FOXH1: variants seen among roughly 807,000 people sequenced by gnomAD.
The protein encoded by FOXH1 is forkhead box protein H1.
In FOXH1, 10 loss-of-function variants were observed where a neutral mutation model predicts 14.2. The ratio of observed to expected loss-of-function variants is 0.70; its 90% CI spans 0.43 to 1.19. The LOEUF (loss-of-function observed/expected upper bound fraction) is 1.19, where lower values mean the gene tolerates loss of function less well. Ranked by LOEUF, FOXH1 falls within the 50% of genes most tolerant of loss-of-function variation. The pLI, the probability that FOXH1 is intolerant of heterozygous loss-of-function variation, is 0.00. For missense variants in FOXH1, 643 were observed against 492.1 expected, an observed-to-expected ratio of 1.31 and a Z score of -2.90; for synonymous variants, 273 against 209.5, an observed-to-expected ratio of 1.30 and a Z score of -2.62.
rs1288812870 is a variant in FOXH1, at chr8:144,473,574, G to A, written c.*664C>T. 1.1e-5 allele frequency: 10 copies of A among 890,652 alleles called. No individual in the cohort carries two copies. The highest frequency in any genetic ancestry group is 3.3e-5 in the Admixed American group (1 of 30,318). 55.2% of individuals were successfully genotyped at this position (890,652 alleles called of 1,614,324 possible). The stretch of plus-strand genomic sequence containing the variant: ...AGTGAAGTGTGTTGTGCCTGCTGAA[G>A]TGATCACCCCCCGCCCCCAGCCCTG... On this transcript the variant is annotated 3_prime_UTR_variant, in exon 3 of 3. Transcript: ENST00000377317.
In FOXH1 at chr8:144,474,306, A is replaced by C; in HGVS notation, c.1030T>G (p.Trp344Gly). Residue 344 changes from tryptophan (W) to glycine (G), a missense_variant, in exon 3 of 3, where the codon TGG (tryptophan) becomes GGG (glycine). By Grantham distance (184) the Trp-to-Gly change is radical. Transcript: ENST00000377317. Reference sequence around the variant, plus strand: ...GCCAGGTCCCGAGGGTGGCTGACCCAAACGTCGTAGATGCTTTTGTTGGGT... The same window carrying C: ...GCCAGGTCCCGAGGGTGGCTGACCCCAACGTCGTAGATGCTTTTGTTGGGT... Reference protein sequence around the residue: ...VPPNKSIYDVWVSHPRDLAAP... With the variant: ...VPPNKSIYDVGVSHPRDLAAP... The C allele has an allele frequency of 6.2e-7, 1 of 1,610,340 alleles. No individual in the cohort carries two copies. The highest frequency in any genetic ancestry group is 8.5e-7 in the Non-Finnish European group (1 of 1,178,094).
In FOXH1 at chr8:144,473,442, A is replaced by G; in HGVS notation, c.*796T>C. The G allele has an allele frequency of 3.9e-6, 6 of 1,527,974 alleles. No homozygotes were observed. Among genetic ancestry groups the G allele is most frequent in the Non-Finnish European group, 5.3e-6 (6 of 1,142,004 alleles). 94.7% of individuals were successfully genotyped at this position (1,527,974 alleles called of 1,614,324 possible). The stretch of plus-strand genomic sequence containing the variant: ...TCTCAGGCCAGGTCTCTGCTGGCAG[A>G]GGCGGTAGTAAAGTCCCTGTACCCC... On this transcript the variant is annotated 3_prime_UTR_variant, in exon 3 of 3. Transcript: ENST00000377317.
chr8:144,475,064 TG>T lies in FOXH1; in HGVS notation c.280-9del. 6.2e-7 allele frequency: 1 copy of T among 1,600,542 alleles called. No individual in the cohort carries two copies. Among genetic ancestry groups the T allele is most frequent in the Non-Finnish European group, 8.5e-7 (1 of 1,173,848 alleles). The stretch of plus-strand genomic sequence containing the variant: ...TGCAGGGTCCTTGGGCACCTGGGTG[TG>T]GGGGTCAGACATGGGTGGGGCTGCC... On this transcript the variant is annotated splice_polypyrimidine_tract_variant and intron_variant, in intron 2 of 2. Coordinates refer to ENST00000377317, the MANE Select transcript of FOXH1 (RefSeq NM_003923.3).
chr8:144,475,585 G>T lies in FOXH1; in HGVS notation c.172C>A (p.Gln58Lys). 1 of 1,449,330 alleles carries T rather than the reference G, an allele frequency of 6.9e-7. No homozygotes were observed. The highest frequency in any genetic ancestry group is 9.1e-7 in the Non-Finnish European group (1 of 1,098,046). The allele number at this position is 1,449,330 out of a possible 1,614,324, so 89.8% of individuals were successfully genotyped here. A position where few individuals can be genotyped will look rare whatever the true frequency, so the allele number is the denominator to read the frequency against. ...AGTGGGGGCCGGGGCCCGCTCACCT[G>T]GGCCAGCTTCAGTCTGCGGGAGGGA... ...AAPSRRLKLA[Q>K]IIRQVQAVFP... is the part of the protein sequence containing the mutation. The change falls in exon 1 of 3, where the codon CAG (glutamine) becomes AAG (lysine). Residue 58 changes from glutamine to lysine, a missense_variant and splice_region_variant. Transcript: ENST00000377317.
chr8:144,475,409 G>T, intron 1 of FOXH1, 148 bp from the exon 2 acceptor site: 1 of 920,614 alleles, frequency 1.1e-6, no homozygotes, highest in Non-Finnish European at 1.7e-6. Flanking sequence ...AAGCGCGGCA[G>T]AGAGGGCAAG....
Position 144,473,538 on chromosome 8 carries a change from C to T in FOXH1, c.*700G>A, listed in dbSNP as rs188887895. The T allele has an allele frequency of 7.1e-5, 87 of 1,230,254 alleles. No homozygotes were observed. Among genetic ancestry groups the T allele is most frequent in the East Asian group, 6.0e-4 (22 of 36,578 alleles). The allele number at this position is 1,230,254 out of a possible 1,614,324, so 76.2% of individuals were successfully genotyped here. A position where few individuals can be genotyped will look rare whatever the true frequency, so the allele number is the denominator to read the frequency against. The stretch of plus-strand genomic sequence containing the variant: ...CTGAGCTCCCAGAGTCACCCCTCCA[C>T]CTCCGCAGCCAGTGAAGTGTGTTGT... On this transcript the variant is annotated 3_prime_UTR_variant, in exon 3 of 3. Coordinates refer to ENST00000377317, the MANE Select transcript of FOXH1 (RefSeq NM_003923.3).
In FOXH1 at chr8:144,474,538, G is replaced by A. The variant is rs776555911; in HGVS notation, c.798C>T (p.Ser266=). The change falls in exon 3 of 3, where the codon AGC becomes AGT. Residue 266 remains serine (S), a synonymous_variant. Transcript: ENST00000377317. ...CCCAGAGGGAGGCCCTGTGTCCCCC[G>A]CTGGACCGTCCCCCAGGAACTGCGG... The part of the protein sequence containing the change: ...QGTAVPGGRS[S]GGHRASLWGQ... 3.1e-6 allele frequency: 5 copies of A among 1,611,002 alleles called. No individual in the cohort carries two copies. Among genetic ancestry groups the A allele is most frequent in the South Asian group, 1.1e-5 (1 of 91,002 alleles).
In FOXH1 at chr8:144,473,487, C is replaced by T. The variant is rs532459382; in HGVS notation, c.*751G>A. Reference sequence around the variant, plus strand: ...TACCCCGTCTCCCAGGGCACAAGCTCCCTAGCCTCTTTGGATCCATTGCCC... The same window carrying T: ...TACCCCGTCTCCCAGGGCACAAGCTTCCTAGCCTCTTTGGATCCATTGCCC... On this transcript the variant is annotated 3_prime_UTR_variant, in exon 3 of 3. Coordinates refer to ENST00000377317, the MANE Select transcript of FOXH1 (RefSeq NM_003923.3). 6 of 1,436,144 alleles carry T rather than the reference C, an allele frequency of 4.2e-6. No homozygotes were observed. Among genetic ancestry groups the T allele is most frequent in the East Asian group, 5.2e-5 (2 of 38,708 alleles). 89.0% of individuals were successfully genotyped at this position (1,436,144 alleles called of 1,614,324 possible).
chr8:144,474,179 C>G lies in FOXH1; in HGVS notation c.*59G>C. On this transcript the variant is annotated 3_prime_UTR_variant, in exon 3 of 3. Transcript: ENST00000377317. ...CGCAGACAGCCGCCTCGCCTTGGCTCCCTGTCAACAAGGTGGGGGTGGGAG... is the reference window on the plus strand; with the variant it reads ...CGCAGACAGCCGCCTCGCCTTGGCTGCCTGTCAACAAGGTGGGGGTGGGAG... The G allele has an allele frequency of 7.4e-7, 1 of 1,353,260 alleles. No individual in the cohort carries two copies. Among genetic ancestry groups the G allele is most frequent in the Non-Finnish European group, 1.0e-6 (1 of 998,006 alleles). 83.8% of individuals were successfully genotyped at this position (1,353,260 alleles called of 1,614,324 possible).
chr8:144,473,995 C>A lies in FOXH1; in HGVS notation c.*243G>T. On this transcript the variant is annotated 3_prime_UTR_variant, in exon 3 of 3. Coordinates refer to ENST00000377317, the MANE Select transcript of FOXH1 (RefSeq NM_003923.3). ...TAGGAAGGGCTATTCCAGGCTCAGC[C>A]CTGCTCCTGCAGCTTTGCCGCTGAG... 1.8e-6 allele frequency: 1 copy of A among 566,812 alleles called. No individual in the cohort carries two copies. The highest frequency in any genetic ancestry group is 3.1e-6 in the Non-Finnish European group (1 of 319,946). The allele number at this position is 566,812 out of a possible 1,614,324, so 35.1% of individuals were successfully genotyped here.
intron 1 of FOXH1, 25 bp from the exon 2 acceptor site, chr8:144,475,286 G>T: frequency 6.3e-7 from 1 of 1,593,902 alleles, no homozygotes; most frequent in Non-Finnish European, 8.6e-7. Context: ...CGGCCGGCCG[G>T]CGCCGTGAGC....
Position 144,473,448 on chromosome 8 carries a change from T to C in FOXH1, c.*790A>G. 1.3e-6 allele frequency: 2 copies of C among 1,518,376 alleles called. No homozygotes were observed. Among genetic ancestry groups the C allele is most frequent in the Non-Finnish European group, 1.8e-6 (2 of 1,137,248 alleles). The allele number at this position is 1,518,376 out of a possible 1,614,324, so 94.1% of individuals were successfully genotyped here. On this transcript the variant is annotated 3_prime_UTR_variant, in exon 3 of 3. Coordinates refer to ENST00000377317, the MANE Select transcript of FOXH1 (RefSeq NM_003923.3). The stretch of plus-strand genomic sequence containing the variant: ...GCCAGGTCTCTGCTGGCAGAGGCGG[T>C]AGTAAAGTCCCTGTACCCCGTCTCC...
Position 144,474,430 on chromosome 8 carries a change from C to G in FOXH1, c.906G>C (p.Gln302His). Residue 302 changes from glutamine to histidine, a missense_variant, in exon 3 of 3, where the codon CAG (glutamine) becomes CAC (histidine). Transcript: ENST00000377317. ...PLAPPPTSCP[Q>H]CPSTSPAYWG... is the part of the protein sequence containing the mutation. Reference sequence around the variant, plus strand: ...AGTAGGCAGGGCTGGTTGACGGACACTGGGGACAGGAGGTGGGTGGTGGTG... The same window carrying G: ...AGTAGGCAGGGCTGGTTGACGGACAGTGGGGACAGGAGGTGGGTGGTGGTG... 1 of 1,613,204 alleles carries G rather than the reference C, an allele frequency of 6.2e-7. No individual in the cohort carries two copies. Among genetic ancestry groups the G allele is most frequent in the South Asian group, 1.1e-5 (1 of 91,086 alleles).
chr8:144,473,646 AT>A lies in FOXH1; in HGVS notation c.*591del. 1 of 507,942 alleles carries A rather than the reference AT, an allele frequency of 2.0e-6. No homozygotes were observed. The highest frequency in any genetic ancestry group is 3.3e-6 in the Non-Finnish European group (1 of 302,618). 31.5% of individuals were successfully genotyped at this position (507,942 alleles called of 1,614,324 possible). A position where few individuals can be genotyped will look rare whatever the true frequency, so the allele number is the denominator to read the frequency against. On this transcript the variant is annotated 3_prime_UTR_variant, in exon 3 of 3. Transcript: ENST00000377317. The stretch of plus-strand genomic sequence containing the variant: ...TTTCTCCTTATCACCATTTGCTGTT[AT>A]CACGGCACACAGCAGGGAATCCCAG...
Position 144,474,662 on chromosome 8 carries a change from G to A in FOXH1, c.674C>T (p.Pro225Leu). 6.4e-7 allele frequency: 1 copy of A among 1,551,382 alleles called. No individual in the cohort carries two copies. Among genetic ancestry groups the A allele is most frequent in the African/African-American group, 1.4e-5 (1 of 73,910 alleles). The part of the protein sequence containing the change: ...PLWPLCPLPG[P>L]TRVEGETVQG... The stretch of plus-strand genomic sequence containing the variant: ...CACAGTCTCCCCCTCCACTCTCGTG[G>A]GGCCAGGAAGGGGGCAGAGGGGCCA... Residue 225 changes from proline (P) to leucine (L), a missense_variant, in exon 3 of 3, where the codon CCC becomes CTC. By Grantham distance (98) the Pro-to-Leu change is moderately conservative (BLOSUM62 -3). Transcript: ENST00000377317.
At position 144,473,636 on chromosome 8, in the gene FOXH1, A is replaced by G; in HGVS notation, c.*602T>C. ...AGGTCTTGGCTTTCTCCTTATCACCATTTGCTGTTATCACGGCACACAGCA... is the reference window on the plus strand; with the variant it reads ...AGGTCTTGGCTTTCTCCTTATCACCGTTTGCTGTTATCACGGCACACAGCA... On this transcript the variant is annotated 3_prime_UTR_variant, in exon 3 of 3. Coordinates refer to ENST00000377317, the MANE Select transcript of FOXH1 (RefSeq NM_003923.3). 2.0e-6 allele frequency: 1 copy of G among 508,514 alleles called. No homozygotes were observed. Among genetic ancestry groups the G allele is most frequent in the East Asian group, 3.5e-5 (1 of 28,354 alleles). 31.5% of individuals were successfully genotyped at this position (508,514 alleles called of 1,614,324 possible). A position where few individuals can be genotyped will look rare whatever the true frequency, so the allele number is the denominator to read the frequency against.
In FOXH1 at chr8:144,474,808, G is replaced by A; in HGVS notation, c.528C>T (p.Ser176=). Residue 176 remains serine, a synonymous_variant, in exon 3 of 3, where the codon TCC becomes TCT. Coordinates refer to ENST00000377317, the MANE Select transcript of FOXH1 (RefSeq NM_003923.3). ...GCCCCGGCCAGGGTGCCCCCTCCCC[G>A]GACCCTCCTAGCAGGGACTTGATGC... ...GFSIKSLLGG[S]GEGAPWPGLA... The A allele has an allele frequency of 1.2e-6, 2 of 1,608,476 alleles. No individual in the cohort carries two copies. Among genetic ancestry groups the A allele is most frequent in the African/African-American group, 1.3e-5 (1 of 74,934 alleles).
chr8:144,474,862 A>C lies in FOXH1; in HGVS notation c.474T>G (p.Ser158Arg). 6.2e-7 allele frequency: 1 copy of C among 1,611,222 alleles called. No homozygotes were observed. Among genetic ancestry groups the C allele is most frequent in the Non-Finnish European group, 8.5e-7 (1 of 1,179,642 alleles). ...AGCCCTCACTGGGTGGTGGCGGGGG[A>C]CTGGGCGGCCGGTATGGCCGGCCGT... is the stretch of plus-strand genomic sequence containing the variant. ...VLHGRPYRPP[S>R]PPPPPSEGFS... is the part of the protein sequence containing the mutation. The change falls in exon 3 of 3, where the codon AGT becomes AGG. Residue 158 changes from serine (S) to arginine (R), a missense_variant. Coordinates refer to ENST00000377317, the MANE Select transcript of FOXH1 (RefSeq NM_003923.3).
At position 144,475,652 on chromosome 8, in the gene FOXH1, G is replaced by C. The variant is rs539395830; in HGVS notation, c.105C>G (p.Pro35=). The C allele has an allele frequency of 2.8e-6, 4 of 1,430,720 alleles. No homozygotes were observed. Among genetic ancestry groups the C allele is most frequent in the Non-Finnish European group, 3.7e-6 (4 of 1,089,878 alleles). The allele number at this position is 1,430,720 out of a possible 1,614,324, so 88.6% of individuals were successfully genotyped here. A position where few individuals can be genotyped will look rare whatever the true frequency, so the allele number is the denominator to read the frequency against. The change falls in exon 1 of 3, where the codon CCC becomes CCG. Residue 35 remains proline, a synonymous_variant. Coordinates refer to ENST00000377317, the MANE Select transcript of FOXH1 (RefSeq NM_003923.3). The stretch of plus-strand genomic sequence containing the variant: ...AGGCGATCATGGCCAAGTAGGTGTA[G>C]GGGGGCTTGTCATGTCGCAGGTACC... ...KKRYLRHDKP[P]YTYLAMIALV...
Sources: gnomAD v4.1 joint callset for allele counts on GRCh38, gnomAD v4.1.1 for gene constraint, MANE v1.5 for transcripts, NCBI Gene and HGNC (gene_info 2026-07-23, HGNC 2026-07-21) for gene names.